Variants in DCTN5 observed in about 807,000 individuals in gnomAD.
DCTN5 encodes the protein dynactin subunit 5, also known as dynactin 4.
DCTN5 carries 14 observed loss-of-function variants against 23.5 expected under a neutral mutation model. The ratio of observed to expected loss-of-function variants is 0.60; its 90% CI spans 0.39 to 0.93. The LOEUF (loss-of-function observed/expected upper bound fraction) is 0.93, where lower values mean the gene tolerates loss of function less well. Ranked by LOEUF, DCTN5 falls within the 40% of genes least tolerant of loss-of-function variation. DCTN5 has a pLI of 0.00. For synonymous variants in DCTN5, 67 were observed against 79.6 expected (o/e 0.84, Z 0.84); for missense variants, 156 against 225.9 (o/e 0.69, Z 1.98).
chr16:23,645,119 A>T (rs1205549037), intron 2 of DCTN5, among the ~76,000 whole-genome samples: 7 of 35,108 alleles, frequency 2.0e-4, no homozygotes, highest in African/African-American at 7.1e-4. Context: ...ATATATATAT[A>T]TATATATATA....
chr16:23,660,635 T>C (rs1967792443), intron 3 of DCTN5, among the ~76,000 whole-genome samples: 1 of 152,250 alleles, frequency 6.6e-6, no homozygotes, highest in African/African-American at 2.4e-5. Flanking sequence ...ATCTCATTTC[T>C]TCTCTTGATT....
intron 2 of DCTN5, 109 bp downstream of exon 2, chr16:23,643,132 T>C (rs1191490099): frequency 2.4e-6 from 2 of 844,060 alleles, no homozygotes; most frequent in East Asian, 5.2e-5. Flanking sequence ...ATTGTTTACA[T>C]TTTTAATTCT....
chr16:23,642,197 T>A (rs1967296244), intron 1 of DCTN5, among the ~76,000 whole-genome samples: 1 of 152,204 alleles, frequency 6.6e-6, no homozygotes, highest in African/African-American at 2.4e-5. Flanking sequence ...CCTCCCAAAG[T>A]GCTGGCATTA....
At chr16:23,654,867 T>A (rs1221161048) in intron 2 of DCTN5, among the ~76,000 whole-genome samples, 1 of 152,232 alleles carries the variant, frequency 6.6e-6, no homozygotes, top group Non-Finnish European at 1.5e-5. Flanking sequence ...CTTTCTGTGC[T>A]TGGCTTATTT....
At chr16:23,645,889 G>A (rs1050991015) in intron 2 of DCTN5, among the ~76,000 whole-genome samples, 7 of 152,098 alleles carry the variant, frequency 4.6e-5, no homozygotes, top group African/African-American at 1.7e-4. Flanking sequence ...GTTTTTTTGA[G>A]TATATACCTA....
At chr16:23,653,519 A>AC (rs1319850082) in intron 2 of DCTN5, among the ~76,000 whole-genome samples, 3 of 152,306 alleles carry the variant, frequency 2.0e-5, no homozygotes, top group Non-Finnish European at 4.4e-5. Flanking sequence ...TTGAAACTGG[A>AC]CCCCTTCCTT....
chr16:23,644,829 T>G (rs1967389938), intron 2 of DCTN5, among the ~76,000 whole-genome samples: 1 of 151,302 alleles, frequency 6.6e-6, no homozygotes, highest in Non-Finnish European at 1.5e-5. Context: ...TTGCCCAGGC[T>G]GGAGTGAAGC....
chr16:23,665,779 T>A, intron 5 of DCTN5, 51 bp downstream of exon 5: 1 of 1,480,192 alleles, frequency 6.8e-7, no homozygotes, highest in Non-Finnish European at 9.4e-7. Context: ...AACTCAGTTG[T>A]ATTTTCCATC....
intron 1 of DCTN5, 69 bp from the exon 2 acceptor site, chr16:23,642,886 T>C: frequency 7.1e-7 from 1 of 1,406,288 alleles, no homozygotes; most frequent in Non-Finnish European, 1.0e-6. Flanking sequence ...GGGAGCTTTC[T>C]TGATGGAAAC....
chr16:23,651,943 G>A (rs1967613759), intron 2 of DCTN5, among the ~76,000 whole-genome samples: 1 of 152,198 alleles, frequency 6.6e-6, no homozygotes, highest in Non-Finnish European at 1.5e-5. Flanking sequence ...GCTGAGGCAA[G>A]AGAATCACTT....
chr16:23,659,838 A>G (rs1189621176), intron 3 of DCTN5, among the ~76,000 whole-genome samples: 1 of 152,250 alleles, frequency 6.6e-6, no homozygotes, highest in African/African-American at 2.4e-5. Context: ...GTACCCTATT[A>G]TGGTTTTATA....
intron 2 of DCTN5, among the ~76,000 whole-genome samples, chr16:23,646,456 G>GTT (rs1311666069): frequency 1.3e-5 from 2 of 151,994 alleles, no homozygotes; most frequent in African/African-American, 4.8e-5. Context: ...TGTTGCTTGT[G>GTT]TTTTTGGTGT....
chr16:23,660,755 A>C (rs1267701030), intron 3 of DCTN5, among the ~76,000 whole-genome samples: 1 of 152,190 alleles, frequency 6.6e-6, no homozygotes, highest in East Asian at 1.9e-4. Flanking sequence ...TGAATGAATA[A>C]ATTTTTAGAA....
chr16:23,662,734 T>G (rs991066842), intron 4 of DCTN5, among the ~76,000 whole-genome samples: 6 of 152,234 alleles, frequency 3.9e-5, no homozygotes, highest in African/African-American at 1.2e-4. Context: ...CCCCTCACCC[T>G]AATTGCTTGA....
chr16:23,658,899 G>A (rs1393652212), intron 3 of DCTN5, among the ~76,000 whole-genome samples: 3 of 152,204 alleles, frequency 2.0e-5, no homozygotes. Context: ...AGGAAAAGGA[G>A]CAAGCCAGGC....
intron 2 of DCTN5, among the ~76,000 whole-genome samples, chr16:23,645,595 C>T (rs867991338): frequency 1.3e-5 from 2 of 152,154 alleles, no homozygotes; most frequent in Non-Finnish European, 1.5e-5. Context: ...CCTGAATCTA[C>T]TTTCTGTCTC....
At position 23,658,586 on chromosome 16, in the gene DCTN5, G is replaced by A. The variant is rs767260362; in HGVS notation, c.197G>A (p.Arg66His). Reference protein sequence around the residue: ...RVGRHCVVKSRSVIRPPFKKF... With the variant: ...RVGRHCVVKSHSVIRPPFKKF... ...GGACGTCATTGTGTTGTGAAAAGTC[G>A]TAGTGTCATAAGGCCACCATTCAAG... Residue 66 changes from arginine to histidine, a missense_variant, in exon 3 of 6, where the codon CGT becomes CAT. Physicochemically the swap from Arg to His is conservative, Grantham distance 29. Transcript: ENST00000300087. 1.2e-5 allele frequency: 19 copies of A among 1,614,056 alleles called. No homozygotes were observed. The highest frequency in any genetic ancestry group is 6.6e-5 in the South Asian group (6 of 91,084).
intron 2 of DCTN5, among the ~76,000 whole-genome samples, chr16:23,655,108 G>T (rs376794959): frequency 1.2e-4 from 19 of 152,210 alleles, no homozygotes; most frequent in African/African-American, 4.6e-4. Flanking sequence ...TTTTCACGCA[G>T]CATAATGTTT....
At chr16:23,661,682 C>T (rs907988196) in intron 4 of DCTN5, among the ~76,000 whole-genome samples, 2 of 151,806 alleles carry the variant, frequency 1.3e-5, no homozygotes, top group African/African-American at 4.8e-5. Flanking sequence ...TGCACCACTG[C>T]TTTCCAGTCT....
Sources: gnomAD v4.1 joint callset for allele counts (sites outside exome capture counted in the v4.1 genomes callset) on GRCh38, gnomAD v4.1.1 for gene constraint, MANE v1.5 for transcripts, NCBI Gene and HGNC (gene_info 2026-07-23, HGNC 2026-07-21) for gene names.